DACH1: variants seen among roughly 807,000 people sequenced by gnomAD.
DACH1 encodes the protein dachshund homolog 1.
In DACH1, 12 loss-of-function variants were observed where a neutral mutation model predicts 54.2. The ratio of observed to expected loss-of-function variants is 0.22; its 90% CI spans 0.14 to 0.36. The LOEUF (loss-of-function observed/expected upper bound fraction) is 0.36, where lower values mean the gene tolerates loss of function less well. Ranked by LOEUF, DACH1 falls within the 10% of genes least tolerant of loss-of-function variation. The pLI, the probability that DACH1 is intolerant of heterozygous loss-of-function variation, is 1.00. For missense variants in DACH1, 805 were observed against 929.8 expected, an observed-to-expected ratio of 0.87 and a Z score of 1.75; for synonymous variants, 386 against 366.2, an observed-to-expected ratio of 1.05 and a Z score of -0.62.
At chr13:71,589,156 T>G (rs1873510670) in intron 3 of DACH1, among the ~76,000 whole-genome samples, 1 of 152,150 alleles carries the variant, frequency 6.6e-6, no homozygotes, top group South Asian at 2.1e-4. Context: ...AAGCTGCTTT[T>G]AGTTAAAACA....
intron 6 of DACH1, among the ~76,000 whole-genome samples, chr13:71,491,899 A>C (rs534347995): frequency 6.6e-6 from 1 of 152,172 alleles, no homozygotes; most frequent in African/African-American, 2.4e-5. Context: ...AATGTAGAAG[A>C]GAGTTTTGAC....
intron 6 of DACH1, among the ~76,000 whole-genome samples, chr13:71,513,582 A>G (rs890547430): frequency 1.3e-5 from 2 of 152,052 alleles, no homozygotes; most frequent in African/African-American, 4.8e-5. Context: ...CAGATGTTAA[A>G]TGCAATGTAA....
At chr13:71,801,521 G>A (rs2138125233) in intron 1 of DACH1, among the ~76,000 whole-genome samples, 1 of 152,180 alleles carries the variant, frequency 6.6e-6, no homozygotes, top group African/African-American at 2.4e-5. Flanking sequence ...AGAACATCAT[G>A]ATTCATTTAC....
intron 1 of DACH1, among the ~76,000 whole-genome samples, chr13:71,753,826 G>C (rs549158353): frequency 1.3e-5 from 2 of 152,280 alleles, no homozygotes; most frequent in East Asian, 3.9e-4. Context: ...GCTGCCAAGA[G>C]CTGTAAACTA....
At chr13:71,474,299 G>T (rs543721629) in intron 10 of DACH1, among the ~76,000 whole-genome samples, 1 of 152,078 alleles carries the variant, frequency 6.6e-6, no homozygotes, top group Non-Finnish European at 1.5e-5. Context: ...CACAATTAAC[G>T]TCATATGATA....
intron 4 of DACH1, among the ~76,000 whole-genome samples, chr13:71,570,252 T>A (rs1885116621): frequency 6.6e-6 from 1 of 152,200 alleles, no homozygotes; most frequent in African/African-American, 2.4e-5. Context: ...GTTATGTGGA[T>A]GTCTTTAAGC....
At chr13:71,797,647 C>T (rs1314368597) in intron 1 of DACH1, among the ~76,000 whole-genome samples, 1 of 152,050 alleles carries the variant, frequency 6.6e-6, no homozygotes, top group African/African-American at 2.4e-5. Flanking sequence ...AGAAGTAGGG[C>T]TCATGTGCCA....
chr13:71,472,980 G>T (rs911829168), intron 10 of DACH1, among the ~76,000 whole-genome samples: 14 of 152,142 alleles, frequency 9.2e-5, no homozygotes, highest in African/African-American at 3.4e-4. Context: ...TAGGGTGTTA[G>T]AATAGCAAAT....
rs189299627 is a variant in DACH1, at chr13:71,701,251, G to T, written c.849-19341C>A. 1.5e-3 allele frequency among the ~76,000 whole-genome samples: 221 copies of T among 151,868 alleles called. 1 individual carries two copies. Among genetic ancestry groups the T allele is most frequent in the Non-Finnish European group, 1.7e-3 (117 of 67,916 alleles). On this transcript the variant is annotated intron_variant, in intron 1 of 10. Transcript: ENST00000613252. Reference sequence around the variant, plus strand: ...TATTTGAAGTCAATAAACATAAATGGTTATTAAATTACTACATAATCGAGA... The same window carrying T: ...TATTTGAAGTCAATAAACATAAATGTTTATTAAATTACTACATAATCGAGA...
intron 1 of DACH1, among the ~76,000 whole-genome samples, chr13:71,690,340 T>C (rs983106652): frequency 7.9e-5 from 12 of 152,224 alleles, no homozygotes; most frequent in Non-Finnish European, 1.3e-4. Flanking sequence ...GCAAATTTCA[T>C]TTAGTGGCAT....
At chr13:71,611,149 T>C (rs1875301242) in intron 3 of DACH1, among the ~76,000 whole-genome samples, 1 of 152,208 alleles carries the variant, frequency 6.6e-6, no homozygotes, top group Non-Finnish European at 1.5e-5. Flanking sequence ...ATTTATGGCA[T>C]AATTCAGACT....
chr13:71,601,511 T>C (rs928698667), intron 3 of DACH1, among the ~76,000 whole-genome samples: 4 of 152,042 alleles, frequency 2.6e-5, no homozygotes, highest in African/African-American at 9.7e-5. Context: ...AATTTTATGC[T>C]TCAGATATAG....
intron 1 of DACH1, among the ~76,000 whole-genome samples, chr13:71,752,964 C>T (rs1234495304): frequency 6.6e-6 from 1 of 152,108 alleles, no homozygotes; most frequent in Non-Finnish European, 1.5e-5. Flanking sequence ...TCAGGACAGG[C>T]AGCAGGTGTG....
intron 2 of DACH1, among the ~76,000 whole-genome samples, chr13:71,678,310 T>G (rs557818224): frequency 1.3e-5 from 2 of 152,328 alleles, no homozygotes; most frequent in South Asian, 2.1e-4. Context: ...AGTTAATGTT[T>G]TAAGACAGTA....
intron 1 of DACH1, among the ~76,000 whole-genome samples, chr13:71,805,345 G>T (rs976742108): frequency 2.0e-5 from 3 of 151,960 alleles, no homozygotes; most frequent in African/African-American, 7.3e-5. Flanking sequence ...GGGAGGTTTC[G>T]GTTGCCTCAA....
At chr13:71,461,140 T>C (rs1055272553) in intron 10 of DACH1, among the ~76,000 whole-genome samples, 3 of 152,078 alleles carry the variant, frequency 2.0e-5, no homozygotes, top group Non-Finnish European at 4.4e-5. Flanking sequence ...TTAAGAAGAA[T>C]AATTAGAATT....
chr13:71,455,368 C>A (rs1875471105), intron 10 of DACH1, among the ~76,000 whole-genome samples: 1 of 151,668 alleles, frequency 6.6e-6, no homozygotes, highest in South Asian at 2.1e-4. Context: ...ATAGATATAT[C>A]CATATCTACC....
chr13:71,630,429 TAC>T, intron 3 of DACH1, 125 bp downstream of exon 3: 1 of 1,400,162 alleles, frequency 7.1e-7, no homozygotes, highest in Non-Finnish European at 9.3e-7. Flanking sequence ...TCCTCAAACA[TAC>T]AGTGTTTTCA....
chr13:71,713,504 A>G (rs1007519111), intron 1 of DACH1, among the ~76,000 whole-genome samples: 4 of 152,142 alleles, frequency 2.6e-5, no homozygotes, highest in Non-Finnish European at 4.4e-5. Flanking sequence ...TTAGTAAAAA[A>G]CAGATGATTT....
Sources: allele counts gnomAD v4.1 joint callset (sites outside exome capture counted in the v4.1 genomes callset), GRCh38; gene constraint gnomAD v4.1.1; transcripts MANE v1.5; gene names NCBI Gene and HGNC (gene_info 2026-07-23, HGNC 2026-07-21).